Variants in WDPCP observed in about 807,000 individuals in gnomAD.
WDPCP encodes WD repeat containing planar cell polarity effector, also known as WD repeat-containing and planar cell polarity effector protein fritz homolog.
A neutral mutation model predicts 93.1 loss-of-function variants in WDPCP; 71 were observed. The observed-to-expected ratio is 0.76, with a 90% CI of 0.63 to 0.93. The LOEUF (loss-of-function observed/expected upper bound fraction) is 0.93. WDPCP is among the 40% of genes least tolerant of loss of function. The pLI is 0.00. For missense variants in WDPCP, 844 were observed against 887.4 expected (o/e 0.95, Z 0.62); for synonymous variants, 315 against 315.0 (o/e 1.00, Z 0.00).
intron 2 of WDPCP, among the ~76,000 whole-genome samples, chr2:63,705,195 C>A (rs562629803): frequency 6.6e-6 from 1 of 152,184 alleles, no homozygotes; most frequent in South Asian, 2.1e-4. Context: ...CTCTTTTCTT[C>A]TTTATTAGTC....
In WDPCP at chr2:63,547,304, C is replaced by T. The variant is rs182617846; in HGVS notation, c.75+40893G>A. Reference sequence around the variant, plus strand: ...GGAGAGTAGGCTCAACTATTAAACACTGCTGGTGGGAACATAAATCAATAC... The same window carrying T: ...GGAGAGTAGGCTCAACTATTAAACATTGCTGGTGGGAACATAAATCAATAC... On this transcript the variant is annotated intron_variant, in intron 1 of 17. Coordinates refer to ENST00000272321, the MANE Select transcript of WDPCP (RefSeq NM_015910.7). 9.5e-4 allele frequency among the ~76,000 whole-genome samples: 145 copies of T among 152,146 alleles called. 1 individual carries two copies. Among genetic ancestry groups the T allele is most frequent in the Non-Finnish European group, 1.8e-3 (122 of 67,978 alleles).
At chr2:63,604,738 G>A in intron 3 of WDPCP, 1 of 1,614,100 alleles carries the variant, frequency 6.2e-7, no homozygotes, top group African/African-American at 1.3e-5. Flanking sequence ...TGTAAAGAAT[G>A]TCATTATCTG....
At chr2:63,511,115 C>T (rs902092921) in intron 1 of WDPCP, among the ~76,000 whole-genome samples, 2 of 151,992 alleles carry the variant, frequency 1.3e-5, no homozygotes, top group Non-Finnish European at 2.9e-5. Context: ...AATAGACAAA[C>T]AGCCAAATCA....
intron 1 of WDPCP, among the ~76,000 whole-genome samples, chr2:63,515,472 A>G (rs1206358725): frequency 2.0e-5 from 3 of 152,210 alleles, no homozygotes; most frequent in South Asian, 2.1e-4. Context: ...GAAATGGTCA[A>G]TTCCTAAAAA....
chr2:63,140,406 A>G (rs1670971798), intron 17 of WDPCP, among the ~76,000 whole-genome samples: 1 of 152,112 alleles, frequency 6.6e-6, no homozygotes, highest in South Asian at 2.1e-4. Flanking sequence ...TTTTGGCAGT[A>G]TGGTCATTTT....
chr2:63,309,291 T>C, intron 13 of WDPCP, among the ~76,000 whole-genome samples: 1 of 152,182 alleles, frequency 6.6e-6, no homozygotes, highest in South Asian at 2.1e-4. Flanking sequence ...TGATGCAAAT[T>C]TAAATACAGC....
rs773852077 is a variant in WDPCP at position 63,381,950 on chromosome 2, A to G, written c.1580T>C (p.Ile527Thr). Reference sequence around the variant, plus strand: ...CTTCTGTCTAAGAAGATGGTTTACAATGGCGCTCATGCTGATAAAGCACTG... The same window carrying G: ...CTTCTGTCTAAGAAGATGGTTTACAGTGGCGCTCATGCTGATAAAGCACTG... ...GHQCFISMSAIVNHLLRQKLT... is the reference protein window; with the variant it reads ...GHQCFISMSATVNHLLRQKLT... Residue 527 changes from isoleucine to threonine, a missense_variant, in exon 11 of 18, where the codon ATT becomes ACT. Physicochemically the swap from Ile to Thr is moderately conservative, Grantham distance 89 (BLOSUM62 -1). Coordinates refer to ENST00000272321, the MANE Select transcript of WDPCP (RefSeq NM_015910.7). 6.2e-7 allele frequency: 1 copy of G among 1,613,528 alleles called. No individual in the cohort carries two copies. The highest frequency in any genetic ancestry group is 8.5e-7 in the Non-Finnish European group (1 of 1,179,694).
intron 9 of WDPCP, among the ~76,000 whole-genome samples, chr2:63,431,927 ACAAC>A (rs1696792091): frequency 6.6e-6 from 1 of 152,164 alleles, no homozygotes; most frequent in Admixed American, 6.5e-5. Flanking sequence ...AAATTTGCAT[ACAAC>A]TTTATGAAAA....
chr2:63,733,227 C>G (rs1238486127), intron 2 of WDPCP, among the ~76,000 whole-genome samples: 1 of 117,702 alleles, frequency 8.5e-6, no homozygotes, highest in Non-Finnish European at 1.6e-5. Flanking sequence ...GAGTCTCGCT[C>G]TGTCGCCCAG....
intron 2 of WDPCP, among the ~76,000 whole-genome samples, chr2:63,653,905 A>C: frequency 1.4e-5 from 1 of 73,460 alleles, no homozygotes; most frequent in African/African-American, 6.5e-5. Context: ...GCAAGACTCC[A>C]TCTCAAAAAA....
At chr2:63,506,070 T>C (rs1164004465) in intron 1 of WDPCP, among the ~76,000 whole-genome samples, 5 of 152,128 alleles carry the variant, frequency 3.3e-5, no homozygotes, top group Admixed American at 1.3e-4. Context: ...AACCTGAAAC[T>C]TCCTTAAAGA....
chr2:63,282,364 G>C (rs892195299), intron 13 of WDPCP, among the ~76,000 whole-genome samples: 1 of 152,134 alleles, frequency 6.6e-6, no homozygotes, highest in Non-Finnish European at 1.5e-5. Flanking sequence ...AATTAGCTGG[G>C]CGTGGTGGTG....
intron 13 of WDPCP, among the ~76,000 whole-genome samples, chr2:63,290,985 A>C (rs1240640549): frequency 6.6e-6 from 1 of 152,150 alleles, no homozygotes; most frequent in Non-Finnish European, 1.5e-5. Flanking sequence ...TTTTTCACCA[A>C]GCTCCAATTA....
At chr2:63,516,769 GTTTTTTTT>G (rs368970145) in intron 1 of WDPCP, among the ~76,000 whole-genome samples, 27 of 151,506 alleles carry the variant, frequency 1.8e-4, no homozygotes, top group Non-Finnish European at 3.1e-4. Flanking sequence ...AGGATAATGG[GTTTTTTTT>G]TAAAGTTCTG....
chr2:63,334,059 C>A (rs1249900200), intron 12 of WDPCP, among the ~76,000 whole-genome samples: 1 of 152,118 alleles, frequency 6.6e-6, no homozygotes, highest in Non-Finnish European at 1.5e-5. Context: ...AAAAACACAT[C>A]CATTGGAATT....
Position 63,571,969 on chromosome 2 carries a change from C to T in WDPCP, c.75+16228G>A, listed in dbSNP as rs143005419. The stretch of plus-strand genomic sequence containing the variant: ...CATGTACTTGGTTTTTTCTTCTTCT[C>T]GCTTTGTTTAAAACAACAGAAACCA... On this transcript the variant is annotated intron_variant, in intron 1 of 17. Transcript: ENST00000272321. 1.2e-4 allele frequency among the ~76,000 whole-genome samples: 18 copies of T among 152,252 alleles called. No homozygotes were observed. The East Asian group carries it at 1.3e-3, about 11-fold the overall frequency.
chr2:63,715,368 A>C (rs974919039), intron 2 of WDPCP, among the ~76,000 whole-genome samples: 6 of 152,260 alleles, frequency 3.9e-5, no homozygotes, highest in Non-Finnish European at 8.8e-5. Context: ...GATGCAACTC[A>C]GAATACCCTT....
chr2:63,313,886 A>ATATGTGTGTGTATATATATATATATATAT, intron 12 of WDPCP, among the ~76,000 whole-genome samples: 2 of 74,502 alleles, frequency 2.7e-5, no homozygotes, highest in African/African-American at 1.0e-4. Context: ...ATATATATAT[A>ATATGTGTGTGTATATATATATATATATAT]TTTTTTTTTT....
intron 1 of WDPCP, among the ~76,000 whole-genome samples, chr2:63,816,595 C>T (rs1021220920): frequency 3.3e-5 from 5 of 152,176 alleles, no homozygotes; most frequent in African/African-American, 7.2e-5. Flanking sequence ...GAAGGATTAT[C>T]CCCTAGAGTC....
Sources: gnomAD v4.1 joint callset for allele counts (sites outside exome capture counted in the v4.1 genomes callset) on GRCh38, gnomAD v4.1.1 for gene constraint, MANE v1.5 for transcripts, NCBI Gene and HGNC (gene_info 2026-07-23, HGNC 2026-07-21) for gene names.